Variants in ST3GAL1 observed in about 807,000 individuals in gnomAD.
ST3GAL1 encodes CMP-N-acetylneuraminate-beta-galactosamide-alpha-2,3-sialyltransferase 1.
In ST3GAL1, 16 loss-of-function variants were observed where a neutral mutation model predicts 34.1. That is an observed-to-expected ratio of 0.47 (90% CI 0.32 to 0.71). The LOEUF is 0.71. ST3GAL1 is among the 30% of genes least tolerant of loss of function. The probability of loss-of-function intolerance (pLI) is 0.04; values close to 1 mark genes in which losing one functional copy is unlikely to be tolerated. For missense variants in ST3GAL1, 353 were observed against 447.4 expected (o/e 0.79, Z 1.90); for synonymous variants, 191 against 184.7 (o/e 1.03, Z -0.28).
intron 2 of ST3GAL1, among the ~76,000 whole-genome samples, chr8:133,540,231 C>A (rs572041120): frequency 1.3e-5 from 2 of 152,290 alleles, no homozygotes; most frequent in Admixed American, 1.3e-4. Flanking sequence ...CCAAACAACC[C>A]CTGTTTCTGC....
intron 2 of ST3GAL1, among the ~76,000 whole-genome samples, chr8:133,535,203 G>A: frequency 6.6e-6 from 1 of 152,166 alleles, no homozygotes; most frequent in East Asian, 1.9e-4. Context: ...AGACATGGCA[G>A]GTACTACATT....
intron 1 of ST3GAL1, among the ~76,000 whole-genome samples, chr8:133,558,113 G>A (rs1481555170): frequency 6.6e-6 from 1 of 152,174 alleles, no homozygotes; most frequent in African/African-American, 2.4e-5. Flanking sequence ...AGCTTTGAAT[G>A]AGAAAGAGCC....
At chr8:133,503,379 C>G (rs1283931402) in intron 2 of ST3GAL1, among the ~76,000 whole-genome samples, 2 of 152,178 alleles carry the variant, frequency 1.3e-5, no homozygotes, top group African/African-American at 4.8e-5. Flanking sequence ...ATCTGCAAAA[C>G]AGGGATAATA....
intron 2 of ST3GAL1, among the ~76,000 whole-genome samples, chr8:133,541,034 C>CATATATAGACAT (rs1263984486): frequency 1.0e-5 from 1 of 96,654 alleles, no homozygotes; most frequent in African/African-American, 4.1e-5. Flanking sequence ...TATATATAGA[C>CATATATAGACAT]ATATATAGAC....
chr8:133,483,842 C>T (rs1220991270), intron 3 of ST3GAL1, among the ~76,000 whole-genome samples: 1 of 152,156 alleles, frequency 6.6e-6, no homozygotes, highest in Admixed American at 6.5e-5. Flanking sequence ...GTCAGGCCCA[C>T]CTGAGTTTGC....
intron 1 of ST3GAL1, among the ~76,000 whole-genome samples, chr8:133,555,963 G>A (rs1017655245): frequency 3.3e-5 from 5 of 152,124 alleles, no homozygotes; most frequent in African/African-American, 1.2e-4. Flanking sequence ...GCACGGTCTC[G>A]GCTCACTGCA....
chr8:133,481,520 G>T (rs1357411860), intron 3 of ST3GAL1, among the ~76,000 whole-genome samples: 1 of 152,086 alleles, frequency 6.6e-6, no homozygotes, highest in Non-Finnish European at 1.5e-5. Context: ...TTTTGAGATA[G>T]AGTCTTACTC....
At chr8:133,495,399 T>C (rs757673483) in intron 3 of ST3GAL1, among the ~76,000 whole-genome samples, 1 of 152,226 alleles carries the variant, frequency 6.6e-6, no homozygotes, top group Non-Finnish European at 1.5e-5. Context: ...ATTATCCCCA[T>C]CTTATAGAAG....
chr8:133,505,698 G>C (rs1022063265), intron 2 of ST3GAL1, among the ~76,000 whole-genome samples: 2 of 151,918 alleles, frequency 1.3e-5, no homozygotes, highest in African/African-American at 4.8e-5. Flanking sequence ...CACCTCCTGG[G>C]TTCAAGCGAG....
Position 133,469,859 on chromosome 8 carries a change from C to A in ST3GAL1, c.307-3769G>T, listed in dbSNP as rs1241969812. 6.6e-6 allele frequency among the ~76,000 whole-genome samples: 1 copy of A among 152,246 alleles called. No individual in the cohort carries two copies. The highest frequency in any genetic ancestry group is 3.4e-3 in the Middle Eastern group (1 of 294). On this transcript the variant is annotated intron_variant, in intron 5 of 9. Transcript: ENST00000522652. The surrounding 1 kb of genome is among the most constrained non-coding windows in gnomAD (Gnocchi z 4.3). ...GCCTCACCTAACATCACAAGCCCCACGCTTCAGAAATCTCAGACCCATTCC... is the reference window on the plus strand; with the variant it reads ...GCCTCACCTAACATCACAAGCCCCAAGCTTCAGAAATCTCAGACCCATTCC...
Position 133,465,794 on chromosome 8 carries a change from C to T in ST3GAL1, c.503+100G>A, listed in dbSNP as rs1458141598. On this transcript the variant is annotated intron_variant, in intron 6 of 9. Transcript: ENST00000522652. ...TCCCTGGGTAAGTTCAGTCCCAGGACTGAACCTTGCCTTCCTGAGCCTGAG... is the reference window on the plus strand; with the variant it reads ...TCCCTGGGTAAGTTCAGTCCCAGGATTGAACCTTGCCTTCCTGAGCCTGAG... 12 of 1,391,706 alleles carry T rather than the reference C, an allele frequency of 8.6e-6. No individual in the cohort carries two copies. In the South Asian group the frequency reaches 1.5e-4, roughly 17 times the overall value. 86.2% of individuals were successfully genotyped at this position (1,391,706 alleles called of 1,614,324 possible).
At chr8:133,569,223 C>T (rs1445914673) in intron 1 of ST3GAL1, among the ~76,000 whole-genome samples, 1 of 152,058 alleles carries the variant, frequency 6.6e-6, no homozygotes. Flanking sequence ...AAATGCCGGC[C>T]CAGAAAAATG....
intron 2 of ST3GAL1, chr8:133,516,130 AT>A (rs377117426): frequency 6.6e-6 from 1 of 152,284 alleles, no homozygotes; most frequent in African/African-American, 2.4e-5. Flanking sequence ...TGCTGGGATT[AT>A]AGGCATGAGC....
chr8:133,534,476 C>T (rs1038680447), intron 2 of ST3GAL1, among the ~76,000 whole-genome samples: 9 of 152,220 alleles, frequency 5.9e-5, no homozygotes, highest in African/African-American at 1.7e-4. Flanking sequence ...CCATGCCATC[C>T]GTATCAGAAA....
At chr8:133,485,799 T>C (rs733911) in intron 3 of ST3GAL1, among the ~76,000 whole-genome samples, 2 of 151,884 alleles carry the variant, frequency 1.3e-5, no homozygotes, top group African/African-American at 4.8e-5. Context: ...TTGGGGGGGA[T>C]AGAAGGTCGG....
intron 1 of ST3GAL1, among the ~76,000 whole-genome samples, chr8:133,547,789 G>A (rs535706669): frequency 1.3e-5 from 2 of 152,328 alleles, no homozygotes; most frequent in African/African-American, 4.8e-5. Flanking sequence ...TTATACCGCT[G>A]GCAATGGTGA....
intron 1 of ST3GAL1, among the ~76,000 whole-genome samples, chr8:133,569,888 AG>A (rs1346542587): frequency 6.6e-6 from 1 of 152,240 alleles, no homozygotes; most frequent in African/African-American, 2.4e-5. Flanking sequence ...ACAGGCCAGG[AG>A]TAGAGCCCCC....
intron 3 of ST3GAL1, among the ~76,000 whole-genome samples, chr8:133,478,226 TCA>T (rs1816251176): frequency 6.6e-6 from 1 of 152,226 alleles, no homozygotes; most frequent in African/African-American, 2.4e-5. Context: ...TTCTGCATCA[TCA>T]CAGATAGGCT....
At chr8:133,482,724 G>A (rs1227488566) in intron 3 of ST3GAL1, among the ~76,000 whole-genome samples, 1 of 152,210 alleles carries the variant, frequency 6.6e-6, no homozygotes, top group East Asian at 1.9e-4. Context: ...ATGGGCACAG[G>A]GTGGGACCAA....
Sources: allele counts gnomAD v4.1 joint callset (sites outside exome capture counted in the v4.1 genomes callset), GRCh38; gene constraint gnomAD v4.1.1; non-coding constraint Gnocchi (gnomAD v3.1); transcripts MANE v1.5; gene names NCBI Gene and HGNC (gene_info 2026-07-23, HGNC 2026-07-21).